PRKAR2A: variants seen among roughly 807,000 people sequenced by gnomAD.
PRKAR2A encodes protein kinase cAMP-dependent type II regulatory subunit alpha.
PRKAR2A carries 29 observed loss-of-function variants against 51.9 expected under a neutral mutation model. The observed-to-expected ratio is 0.56, with a 90% CI of 0.42 to 0.76. The LOEUF (loss-of-function observed/expected upper bound fraction) is 0.76. Ranked by LOEUF, PRKAR2A falls within the 30% of genes least tolerant of loss-of-function variation. PRKAR2A has a pLI of 0.00. For synonymous variants in PRKAR2A, 178 were observed against 186.2 expected (o/e 0.96, Z 0.36); for missense variants, 445 against 512.1 (o/e 0.87, Z 1.26).
chr3:48,770,072 G>C (rs2082007571), intron 6 of PRKAR2A, among the ~76,000 whole-genome samples: 1 of 152,118 alleles, frequency 6.6e-6, no homozygotes, highest in African/African-American at 2.4e-5. Context: ...ACCACACCCA[G>C]CTGGTTCTAC....
rs1290226859 is a variant in PRKAR2A, at chr3:48,773,044, G to A, written c.607C>T (p.Arg203Cys). 23 of 1,613,522 alleles carry A rather than the reference G, an allele frequency of 1.4e-5. No homozygotes were observed. The highest frequency in any genetic ancestry group is 8.8e-5 in the South Asian group (8 of 91,034). ...AGAGCTAGTTCTCCAAAACTGCCACGGTTGTCATATTGACCAACAGAGCGG... is the reference window on the plus strand; with the variant it reads ...AGAGCTAGTTCTCCAAAACTGCCACAGTTGTCATATTGACCAACAGAGCGG... ...QTRSVGQYDN[R>C]GSFGELALMY... Residue 203 changes from arginine (R) to cysteine (C), a missense_variant, in exon 6 of 11, where the codon CGT (arginine) becomes TGT (cysteine). Arg to Cys is a radical substitution (Grantham distance 180). Transcript: ENST00000265563.
rs574458843 is a variant in PRKAR2A at position 48,746,766 on chromosome 3, A to T, written c.*4819T>A. The T allele has an allele frequency of 5.3e-5, 8 of 152,336 alleles. No homozygotes were observed. The South Asian group carries it at 1.7e-3, about 32-fold the overall frequency. The allele number at this position is 152,336 out of a possible 1,614,324, so 9.4% of individuals were successfully genotyped here. A position where few individuals can be genotyped will look rare whatever the true frequency, so the allele number is the denominator to read the frequency against. ...CGTTTCAATCACTTATTCTTCTGAG[A>T]TTAAAATACAAGATTAAAACAGATT... On this transcript the variant is annotated 3_prime_UTR_variant, in exon 11 of 11. Transcript: ENST00000265563.
chr3:48,763,575 G>A (rs2081894285), intron 8 of PRKAR2A, among the ~76,000 whole-genome samples: 1 of 152,096 alleles, frequency 6.6e-6, no homozygotes, highest in Non-Finnish European at 1.5e-5. Flanking sequence ...CTGAATCTCA[G>A]CACTACATTC....
intron 2 of PRKAR2A, 127 bp downstream of exon 2, chr3:48,807,522 G>C: frequency 1.4e-6 from 1 of 732,226 alleles, no homozygotes; most frequent in South Asian, 1.9e-5. Context: ...AGAAACCATA[G>C]GTAATTTTAC....
chr3:48,808,278 G>A (rs2082710362), intron 1 of PRKAR2A, among the ~76,000 whole-genome samples: 2 of 151,790 alleles, frequency 1.3e-5, no homozygotes, highest in Non-Finnish European at 2.9e-5. Flanking sequence ...TTTTGAGACG[G>A]AGTCTCGCTC....
intron 1 of PRKAR2A, among the ~76,000 whole-genome samples, chr3:48,824,346 G>C (rs1240326190): frequency 6.6e-6 from 1 of 151,848 alleles, no homozygotes; most frequent in Non-Finnish European, 1.5e-5. Context: ...AGTGAGCTGA[G>C]TTCATGCCAC....
At chr3:48,831,902 GCCA>G (rs1160317139) in intron 1 of PRKAR2A, among the ~76,000 whole-genome samples, 1 of 152,098 alleles carries the variant, frequency 6.6e-6, no homozygotes, top group Admixed American at 6.6e-5. Context: ...ACGGGTGTGA[GCCA>G]CCACAACTGG....
intron 1 of PRKAR2A, among the ~76,000 whole-genome samples, chr3:48,814,959 T>A (rs1422354964): frequency 1.3e-5 from 2 of 152,206 alleles, no homozygotes; most frequent in Non-Finnish European, 2.9e-5. Flanking sequence ...TTGCCCAGGC[T>A]GGAATGCAAT....
chr3:48,759,646 C>CT (rs1442632995), intron 8 of PRKAR2A, among the ~76,000 whole-genome samples: 2 of 152,188 alleles, frequency 1.3e-5, no homozygotes, highest in Non-Finnish European at 2.9e-5. Flanking sequence ...CTCGGCCTCC[C>CT]TAAGTGCTGG....
chr3:48,813,761 A>T (rs2082821933), intron 1 of PRKAR2A, among the ~76,000 whole-genome samples: 1 of 152,170 alleles, frequency 6.6e-6, no homozygotes, highest in Non-Finnish European at 1.5e-5. Context: ...TCTCCAGAAA[A>T]TTTTATATAA....
chr3:48,770,175 C>T (rs1379885153), intron 6 of PRKAR2A, among the ~76,000 whole-genome samples: 1 of 152,078 alleles, frequency 6.6e-6, no homozygotes, highest in Non-Finnish European at 1.5e-5. Context: ...AAAAAAAGCA[C>T]CAGACATCAA....
In PRKAR2A at chr3:48,807,674, AG is replaced by A; in HGVS notation, c.272del (p.Pro91LeufsTer28). 6.2e-7 allele frequency: 1 copy of A among 1,604,518 alleles called. No homozygotes were observed. Among genetic ancestry groups the A allele is most frequent in the South Asian group, 1.1e-5 (1 of 90,718 alleles). ...EEDEDLEVPVPSRFNRRVSVC... is the reference protein window; with the variant it reads ...EEDEDLEVPVXSRFNRRVSVC... ...CTGATACTCGTCTATTAAATCTGCT[AG>A]GAACTGGAACTGCAAAATAAAGAAG... On this transcript the variant is annotated frameshift_variant, in exon 2 of 11. Coordinates refer to ENST00000265563, the MANE Select transcript of PRKAR2A (RefSeq NM_004157.4). LOFTEE classifies it high-confidence loss of function.
In PRKAR2A at chr3:48,765,242, C is replaced by T; in HGVS notation, c.798+6G>A. On this transcript the variant is annotated splice_donor_region_variant and intron_variant, in intron 7 of 10. Transcript: ENST00000265563. ...CATGAACAGATTCTTATTCAAGCCA[C>T]TTTACCTCTAGTGATTTAAGGAGGG... 1.2e-6 allele frequency: 2 copies of T among 1,600,882 alleles called. No homozygotes were observed. The highest frequency in any genetic ancestry group is 1.7e-6 in the Non-Finnish European group (2 of 1,170,496).
At chr3:48,765,724 CAAAAAAAAAAA>C (rs756566818) in intron 6 of PRKAR2A, among the ~76,000 whole-genome samples, 41 of 45,256 alleles carry the variant, frequency 9.1e-4, no homozygotes, top group African/African-American at 3.4e-3. Context: ...ACCCTCATTT[CAAAAAAAAAAA>C]AAAAAAAAAA....
intron 1 of PRKAR2A, among the ~76,000 whole-genome samples, chr3:48,813,695 A>G (rs2082820476): frequency 6.6e-6 from 1 of 151,744 alleles, no homozygotes; most frequent in Non-Finnish European, 1.5e-5. Flanking sequence ...CTCCATCTCA[A>G]AAAAACAAAA....
chr3:48,811,986 T>TA (rs1439960009), intron 1 of PRKAR2A, among the ~76,000 whole-genome samples: 1 of 151,790 alleles, frequency 6.6e-6, no homozygotes. Context: ...TGACTGCAAA[T>TA]AGACACAAAA....
At chr3:48,836,250 T>C (rs2083281207) in intron 1 of PRKAR2A, among the ~76,000 whole-genome samples, 3 of 151,230 alleles carry the variant, frequency 2.0e-5, no homozygotes. Context: ...AAACCCCGTC[T>C]CTACCAAAAA....
intron 1 of PRKAR2A, among the ~76,000 whole-genome samples, chr3:48,817,965 C>T (rs967963216): frequency 2.6e-5 from 4 of 152,096 alleles, no homozygotes; most frequent in African/African-American, 9.7e-5. Flanking sequence ...TCTTATTCCT[C>T]CAAACACATA....
intron 1 of PRKAR2A, among the ~76,000 whole-genome samples, chr3:48,811,014 A>C (rs542257901): frequency 5.3e-4 from 81 of 152,184 alleles, no homozygotes; most frequent in Non-Finnish European, 1.5e-4. Context: ...CCGTGTCTTT[A>C]CAAAAAATTT....
Sources: allele counts gnomAD v4.1 joint callset (sites outside exome capture counted in the v4.1 genomes callset), GRCh38; gene constraint gnomAD v4.1.1; transcripts MANE v1.5; gene names NCBI Gene and HGNC (gene_info 2026-07-23, HGNC 2026-07-21).